Variants in NRP2 observed in about 807,000 individuals in gnomAD.
NRP2 encodes neuropilin-2.
In NRP2, 52 loss-of-function variants were observed where a neutral mutation model predicts 110.4. That is an observed-to-expected ratio of 0.47 (90% CI 0.38 to 0.59). NRP2 has a LOEUF of 0.59. Among genes scored for constraint, NRP2 ranks in the 20% least tolerant of loss-of-function variants. The pLI is 0.00. For synonymous variants in NRP2, 508 were observed against 468.9 expected (o/e 1.08, Z -1.08); for missense variants, 1,049 against 1,203.0 (o/e 0.87, Z 1.89).
At chr2:205,739,799 G>A (rs1575609439) in intron 7 of NRP2, 2 of 152,090 alleles carry the variant, frequency 1.3e-5, no homozygotes, top group East Asian at 3.9e-4. Flanking sequence ...AGGATCAGAA[G>A]CTGTTCCAAA....
intron 11 of NRP2, chr2:205,752,323 A>G: frequency 4.9e-6 from 1 of 203,524 alleles, no homozygotes; most frequent in Non-Finnish European, 1.0e-5. Context: ...GTAGCAAACA[A>G]GCCTTCCTTG....
Position 205,683,039 on chromosome 2 carries a change from A to T in NRP2, c.-252A>T, listed in dbSNP as rs1247771640. The stretch of plus-strand genomic sequence containing the variant: ...GAGAACATATATGCGTTTTGTTTTT[A>T]AGAGGAAAACCGTGTTCTCTTCCCG... On this transcript the variant is annotated 5_prime_UTR_variant, in exon 1 of 17. It introduces an in-frame stop codon into an upstream open reading frame of the 5' UTR. Coordinates refer to ENST00000357785, the MANE Select transcript of NRP2 (RefSeq NM_003872.3). 7.6e-6 allele frequency: 4 copies of T among 526,874 alleles called. No homozygotes were observed. Among genetic ancestry groups the T allele is most frequent in the Non-Finnish European group, 1.4e-5 (4 of 293,916 alleles). 32.6% of individuals were successfully genotyped at this position (526,874 alleles called of 1,614,324 possible). A position where few individuals can be genotyped will look rare whatever the true frequency, so the allele number is the denominator to read the frequency against.
Position 205,740,765 on chromosome 2 carries a change from C to T in NRP2, c.1291+102C>T. On this transcript the variant is annotated intron_variant, in intron 8 of 16. Coordinates refer to ENST00000357785, the MANE Select transcript of NRP2 (RefSeq NM_003872.3). ...GCATGACTGCACCACATGACCTTCC[C>T]AGAAAGACTGGCTCAAGGACTCAAG... is the stretch of plus-strand genomic sequence containing the variant. The T allele has an allele frequency of 2.2e-6, 3 of 1,373,740 alleles. No homozygotes were observed. In the South Asian group the frequency reaches 3.8e-5, roughly 17 times the overall value. The allele number at this position is 1,373,740 out of a possible 1,614,324, so 85.1% of individuals were successfully genotyped here.
intron 15 of NRP2, among the ~76,000 whole-genome samples, chr2:205,785,531 C>G (rs941049229): frequency 3.3e-5 from 5 of 152,218 alleles, no homozygotes; most frequent in African/African-American, 1.2e-4. Flanking sequence ...TATCTACTTA[C>G]AACAATGGAG....
intron 12 of NRP2, among the ~76,000 whole-genome samples, chr2:205,758,239 A>T (rs1424946733): frequency 6.6e-6 from 1 of 152,186 alleles, no homozygotes; most frequent in Non-Finnish European, 1.5e-5. Flanking sequence ...ATGCAAAGAG[A>T]CTACATCTCC....
At chr2:205,718,034 G>A (rs527989006) in intron 3 of NRP2, among the ~76,000 whole-genome samples, 9 of 152,266 alleles carry the variant, frequency 5.9e-5, no homozygotes, top group Non-Finnish European at 1.2e-4. Context: ...AGCAATCGAG[G>A]GGCTCCAGAG....
chr2:205,726,380 G>C (rs1217589740), intron 6 of NRP2, among the ~76,000 whole-genome samples: 1 of 152,154 alleles, frequency 6.6e-6, no homozygotes, highest in Non-Finnish European at 1.5e-5. Context: ...CATTATATAA[G>C]CTGTTTGGAT....
At chr2:205,721,273 GTT>G (rs2057006192) in intron 3 of NRP2, among the ~76,000 whole-genome samples, 1 of 152,140 alleles carries the variant, frequency 6.6e-6, no homozygotes, top group South Asian at 2.1e-4. Context: ...TAAACACCCA[GTT>G]TATCGAGTAT....
At chr2:205,695,609 G>A (rs2056407462) in intron 1 of NRP2, among the ~76,000 whole-genome samples, 1 of 152,186 alleles carries the variant, frequency 6.6e-6, no homozygotes, top group Non-Finnish European at 1.5e-5. Flanking sequence ...GCAAAAAAGT[G>A]TGGTTTGGGG....
At chr2:205,753,854 T>C (rs2057691737) in intron 12 of NRP2, among the ~76,000 whole-genome samples, 1 of 152,144 alleles carries the variant, frequency 6.6e-6, no homozygotes, top group South Asian at 2.1e-4. Flanking sequence ...ATTATATAGT[T>C]TTTTTTTCCA....
intron 15 of NRP2, chr2:205,776,486 T>C (rs778536812): frequency 1.9e-6 from 3 of 1,610,512 alleles, no homozygotes; most frequent in African/African-American, 2.7e-5. Flanking sequence ...GAGCCCACCC[T>C]AACCATTAAG....
chr2:205,740,709 G>C (rs1196660266), intron 8 of NRP2, 46 bp downstream of exon 8: 1 of 1,609,420 alleles, frequency 6.2e-7, no homozygotes, highest in South Asian at 1.1e-5. Context: ...TTGAGCCCTA[G>C]GCTCTGCTCC....
chr2:205,777,023 AG>A, intron 15 of NRP2: 1 of 1,025,386 alleles, frequency 9.8e-7, no homozygotes, highest in Non-Finnish European at 1.2e-6. Context: ...TGTTTGGGCG[AG>A]GGGTGAGTGT....
Position 205,749,799 on chromosome 2 carries a change from G to A in NRP2, c.1861G>A (p.Glu621Lys), listed in dbSNP as rs746233197. ...EETTTPYPTE[E>K]EATECGENCS... ...GACAACCACCCCCTACCCCACCGAAGAGGAGGCCACAGAGTGTGGGGAGAA... is the reference window on the plus strand; with the variant it reads ...GACAACCACCCCCTACCCCACCGAAAAGGAGGCCACAGAGTGTGGGGAGAA... The change falls in exon 11 of 17, where the codon GAG (glutamate) becomes AAG (lysine). Residue 621 changes from glutamate (E) to lysine (K), a missense_variant. Glu to Lys is a moderately conservative substitution (Grantham distance 56). Transcript: ENST00000357785. 1.9e-6 allele frequency: 3 copies of A among 1,614,082 alleles called. No individual in the cohort carries two copies. Among genetic ancestry groups the A allele is most frequent in the African/African-American group, 2.7e-5 (2 of 74,948 alleles).
intron 2 of NRP2, chr2:205,700,747 T>A (rs773944857): frequency 1.9e-6 from 1 of 519,040 alleles, no homozygotes; most frequent in South Asian, 1.4e-5. Flanking sequence ...AAGCCGCAGC[T>A]TTGCCTGACT....
intron 1 of NRP2, among the ~76,000 whole-genome samples, chr2:205,687,044 A>C (rs942508256): frequency 2.6e-5 from 4 of 152,172 alleles, no homozygotes; most frequent in Non-Finnish European, 5.9e-5. Context: ...GCTTGGGGCC[A>C]AAAGAACCCA....
intron 7 of NRP2, among the ~76,000 whole-genome samples, chr2:205,738,867 G>C (rs2105861002): frequency 6.6e-6 from 1 of 152,192 alleles, no homozygotes; most frequent in East Asian, 1.9e-4. Flanking sequence ...TGGTGGACCA[G>C]CGAAAATCTG....
At chr2:205,726,110 A>G in intron 6 of NRP2, 28 bp downstream of exon 6, 1 of 1,613,166 alleles carries the variant, frequency 6.2e-7, no homozygotes, top group Non-Finnish European at 8.5e-7. Context: ...AGAGGATGTG[A>G]GAGTGTGTAT....
At chr2:205,701,243 G>A (rs1487223676) in intron 2 of NRP2, 1 of 152,454 alleles carries the variant, frequency 6.6e-6, no homozygotes, top group Non-Finnish European at 1.5e-5. Context: ...AAAACCAGGA[G>A]GCTGGGTCCT....
Sources: allele counts gnomAD v4.1 joint callset (sites outside exome capture counted in the v4.1 genomes callset), GRCh38; gene constraint gnomAD v4.1.1; transcripts MANE v1.5; gene names NCBI Gene and HGNC (gene_info 2026-07-23, HGNC 2026-07-21).